The following CLDN16 variants were observed in gnomAD, a reference collection of about 807,000 sequenced individuals.
CLDN16 encodes the protein claudin 16.
Under a neutral mutation model 24.6 loss-of-function variants are expected in CLDN16, and 13 were observed. That is an observed-to-expected ratio of 0.53 (90% CI 0.34 to 0.84). The LOEUF is 0.84. Among genes scored for constraint, CLDN16 ranks in the 40% least tolerant of loss-of-function variants. The pLI is 0.01. For missense variants in CLDN16, 298 were observed against 292.7 expected (o/e 1.02, Z -0.13); for synonymous variants, 116 against 106.7 (o/e 1.09, Z -0.54).
intron 1 of CLDN16, among the ~76,000 whole-genome samples, chr3:190,336,803 A>C (rs1577399927): frequency 6.6e-6 from 1 of 152,258 alleles, no homozygotes; most frequent in East Asian, 1.9e-4. Flanking sequence ...ATGAGACAAA[A>C]GCTGTTCGCC....
chr3:190,306,322 G>A, the CLDN16 span: 1 of 152,174 alleles, frequency 6.6e-6, no homozygotes, highest in Non-Finnish European at 1.5e-5. Flanking sequence ...TTTGTTTAGT[G>A]CACTCAATTT....
At chr3:190,312,812 G>T in the CLDN16 span, 15 of 1,580,652 alleles carry the variant, frequency 9.5e-6, no homozygotes, top group Admixed American at 8.3e-5. Context: ...CAACGTAATA[G>T]ATTTCAAATC....
intron 2 of CLDN16, among the ~76,000 whole-genome samples, chr3:190,371,941 C>T (rs1718151840): frequency 6.6e-6 from 1 of 151,932 alleles, no homozygotes; most frequent in South Asian, 2.1e-4. Flanking sequence ...GTTGACTGCC[C>T]TTGGCCACCA....
rs756674166 is a variant in CLDN16 at position 190,404,843 on chromosome 3, T to C, written c.299T>C (p.Leu100Pro). The stretch of plus-strand genomic sequence containing the variant: ...GGATTTCTCACCCTGCTCCTTGGTC[T>C]TGACTGCGTGAAATTCCTCCCTGAT... The part of the protein sequence containing the change: ...GFGFLTLLLG[L>P]DCVKFLPDEP... The change falls in exon 3 of 5, where the codon CTT becomes CCT. Residue 100 changes from leucine to proline, a missense_variant. Leu to Pro is a moderately conservative substitution (Grantham distance 98). Transcript: ENST00000264734. 3.1e-6 allele frequency: 5 copies of C among 1,614,068 alleles called. No homozygotes were observed.
chr3:190,355,930 T>C (rs1339987684), intron 1 of CLDN16, among the ~76,000 whole-genome samples: 4 of 151,798 alleles, frequency 2.6e-5, no homozygotes, highest in African/African-American at 4.8e-5. Flanking sequence ...CTATGAAATA[T>C]ACCTGAATTG....
At chr3:190,302,836 T>C in the CLDN16 span, among the ~76,000 whole-genome samples, 2 of 150,890 alleles carry the variant, frequency 1.3e-5, no homozygotes, top group African/African-American at 4.9e-5. Context: ...AAAGTATGTC[T>C]GGTAAGAGTA....
intron 1 of CLDN16, among the ~76,000 whole-genome samples, chr3:190,354,456 G>T (rs1008583507): frequency 1.3e-5 from 2 of 151,942 alleles, no homozygotes; most frequent in African/African-American, 4.8e-5. Flanking sequence ...AAGGGATTTT[G>T]AAGACACACT....
intron 1 of CLDN16, among the ~76,000 whole-genome samples, chr3:190,367,860 T>C (rs1718056307): frequency 6.6e-6 from 1 of 151,984 alleles, no homozygotes; most frequent in Non-Finnish European, 1.5e-5. Context: ...TAGATACATT[T>C]TTCTTACATT....
At chr3:190,333,756 ACTCT>A (rs1419562708) in intron 1 of CLDN16, among the ~76,000 whole-genome samples, 1 of 151,832 alleles carries the variant, frequency 6.6e-6, no homozygotes, top group East Asian at 1.9e-4. Context: ...ATGATTTTTC[ACTCT>A]CTATTACACA....
chr3:190,305,058 CAG>C, the CLDN16 span, among the ~76,000 whole-genome samples: 2 of 152,192 alleles, frequency 1.3e-5, no homozygotes, highest in Admixed American at 1.3e-4. Flanking sequence ...TCTGTAGAAA[CAG>C]AGTGAGAATT....
Position 190,411,302 on chromosome 3 carries a change from G to T in CLDN16, c.*1266G>T, listed in dbSNP as rs1021159365. 6.6e-6 allele frequency: 1 copy of T among 152,062 alleles called. No homozygotes were observed. The highest frequency in any genetic ancestry group is 1.5e-5 in the Non-Finnish European group (1 of 67,980). The allele number at this position is 152,062 out of a possible 1,614,324, so 9.4% of individuals were successfully genotyped here. A position where few individuals can be genotyped will look rare whatever the true frequency, so the allele number is the denominator to read the frequency against. On this transcript the variant is annotated 3_prime_UTR_variant, in exon 5 of 5. Transcript: ENST00000264734. ...AATAAATAAATATTCTTCATAAAAT[G>T]TGGGTTTTGGGGAAAATATAGAATT...
At chr3:190,350,789 T>A (rs1454789582) in intron 1 of CLDN16, among the ~76,000 whole-genome samples, 2 of 152,198 alleles carry the variant, frequency 1.3e-5, no homozygotes, top group Non-Finnish European at 2.9e-5. Context: ...GACCTGTTCC[T>A]GGGAGTTAGG....
intron 1 of CLDN16, among the ~76,000 whole-genome samples, chr3:190,343,320 A>T (rs891379933): frequency 2.0e-5 from 3 of 152,166 alleles, no homozygotes; most frequent in Admixed American, 1.3e-4. Flanking sequence ...AATGTTGATC[A>T]GGGTGTGGAA....
At chr3:190,340,406 T>C (rs527534765) in intron 1 of CLDN16, among the ~76,000 whole-genome samples, 156 of 152,292 alleles carry the variant, frequency 1.0e-3, no homozygotes, top group African/African-American at 3.5e-3. Context: ...ATGAAAGGAA[T>C]GTCTCACGTG....
At chr3:190,378,892 T>C (rs1024958189) in intron 3 of CLDN16, among the ~76,000 whole-genome samples, 2 of 152,094 alleles carry the variant, frequency 1.3e-5, no homozygotes, top group Non-Finnish European at 2.9e-5. Flanking sequence ...TTTCGTCATC[T>C]ATAAAATGGT....
intron 1 of CLDN16, among the ~76,000 whole-genome samples, chr3:190,330,014 T>A (rs546153233): frequency 6.6e-6 from 1 of 152,018 alleles, no homozygotes; most frequent in Admixed American, 6.6e-5. Context: ...TATTGAAATA[T>A]TGTAGAAGAA....
intron 1 of CLDN16, among the ~76,000 whole-genome samples, chr3:190,394,147 C>T (rs1170987976): frequency 6.6e-6 from 1 of 152,026 alleles, no homozygotes; most frequent in Non-Finnish European, 1.5e-5. Context: ...ATCAAATGCT[C>T]ACATTTACAA....
intron 1 of CLDN16, among the ~76,000 whole-genome samples, chr3:190,331,134 G>T (rs1403605): frequency 0.011 from 1,712 of 152,292 alleles, 40 homozygotes; most frequent in African/African-American, 0.04. Context: ...TGAGGTTAGG[G>T]TCAATAGATG....
chr3:190,357,330 G>C (rs1377370746), intron 1 of CLDN16, among the ~76,000 whole-genome samples: 3 of 151,802 alleles, frequency 2.0e-5, no homozygotes, highest in Admixed American at 2.0e-4. Context: ...CTGAGAACTC[G>C]TAATTTTGGT....
Sources: gnomAD v4.1 joint callset for allele counts (sites outside exome capture counted in the v4.1 genomes callset) on GRCh38, gnomAD v4.1.1 for gene constraint, MANE v1.5 for transcripts, NCBI Gene and HGNC (gene_info 2026-07-23, HGNC 2026-07-21) for gene names.